Variants in CEP164 observed in about 807,000 individuals in gnomAD.
The protein encoded by CEP164 is centrosomal protein 164.
A neutral mutation model predicts 182.7 loss-of-function variants in CEP164; 162 were observed. That is an observed-to-expected ratio of 0.89 (90% CI 0.78 to 1.01). CEP164 has a LOEUF of 1.01. Among genes scored for constraint, CEP164 ranks in the 50% least tolerant of loss-of-function variants. The probability of loss-of-function intolerance (pLI) is 0.00; values close to 1 mark genes in which losing one functional copy is unlikely to be tolerated. For missense variants in CEP164, 1,735 were observed against 1,790.4 expected (o/e 0.97, Z 0.56); for synonymous variants, 661 against 690.0 (o/e 0.96, Z 0.66).
At chr11:117,355,634 C>T (rs892211067) in intron 5 of CEP164, 1 of 1,194,640 alleles carries the variant, frequency 8.4e-7, no homozygotes, top group African/African-American at 1.6e-5. Context: ...AGATAGCAGC[C>T]CTACTGAAGA....
At chr11:117,403,833 C>T (rs2046401385) in intron 27 of CEP164, among the ~76,000 whole-genome samples, 2 of 152,090 alleles carry the variant, frequency 1.3e-5, no homozygotes, top group African/African-American at 4.8e-5. Context: ...TCCCATATTT[C>T]TTGGAGGCTT....
intron 27 of CEP164, among the ~76,000 whole-genome samples, chr11:117,404,951 T>C (rs888254236): frequency 6.6e-6 from 1 of 152,198 alleles, no homozygotes; most frequent in Admixed American, 6.5e-5. Context: ...TTGTTTACAC[T>C]GTGAGGGGAA....
In CEP164 at chr11:117,409,724, C is replaced by T; in HGVS notation, c.3855C>T (p.Leu1285=). The change falls in exon 30 of 33, where the codon CTC becomes CTT. Residue 1285 remains leucine, a synonymous_variant. Transcript: ENST00000278935. The surrounding 1 kb of genome is among the most constrained non-coding windows in gnomAD (Gnocchi z 4.4). ...GTGTCCTCAGCATCCTGGACAGCCT[C>T]AACCCTCAGTCGCCGCCGCCGCTCC... ...LSSVLSILDS[L]NPQSPPPLLA... The T allele has an allele frequency of 2.5e-6, 4 of 1,614,172 alleles. No individual in the cohort carries two copies. The highest frequency in any genetic ancestry group is 2.5e-6 in the Non-Finnish European group (3 of 1,180,010).
chr11:117,361,898 C>T lies in CEP164; in HGVS notation c.457C>T (p.Leu153Phe), dbSNP rs375118998. Residue 153 changes from leucine (L) to phenylalanine (F), a missense_variant, in exon 6 of 33, where the codon CTT becomes TTT. Transcript: ENST00000278935. ...TGGGGGCCTGGCTCCTTTACGAGGT[C>T]TTGTGGATACCCCACCCTCTGCTCT... ...PLGGLAPLRG[L>F]VDTPPSALRG... The T allele has an allele frequency of 1.5e-5, 24 of 1,614,054 alleles. No individual in the cohort carries two copies. The African/African-American group carries it at 2.8e-4, about 19-fold the overall frequency.
intron 10 of CEP164, among the ~76,000 whole-genome samples, chr11:117,375,434 T>C (rs10790180): frequency 0.32 from 48,108 of 152,060 alleles, 8,688 homozygotes; most frequent in African/African-American, 0.5. Flanking sequence ...AAGTTTCAAA[T>C]ATATGGAACA....
At chr11:117,367,017 G>C (rs1029373907) in intron 8 of CEP164, among the ~76,000 whole-genome samples, 2 of 152,240 alleles carry the variant, frequency 1.3e-5, no homozygotes, top group African/African-American at 4.8e-5. Context: ...GGAGACAGAA[G>C]GAATGTGAGC....
Position 117,394,608 on chromosome 11 carries a change from A to T in CEP164, c.2760+115A>T. 1 of 1,366,928 alleles carries T rather than the reference A, an allele frequency of 7.3e-7. No individual in the cohort carries two copies. The highest frequency in any genetic ancestry group is 9.9e-7 in the Non-Finnish European group (1 of 1,010,318). The allele number at this position is 1,366,928 out of a possible 1,614,324, so 84.7% of individuals were successfully genotyped here. On this transcript the variant is annotated intron_variant, in intron 21 of 32. Transcript: ENST00000278935. The surrounding 1 kb of genome is among the most constrained non-coding windows in gnomAD (Gnocchi z 4.0). ...GCAGCCTGACAGCTTCTGGAGTGAG[A>T]GTCTCTCACTGGCCATCTCCAAGCT...
In CEP164 at chr11:117,344,184, G is replaced by C. The variant is rs760829793; in HGVS notation, c.101G>C (p.Arg34Pro). Residue 34 changes from arginine (R) to proline (P), a missense_variant, in exon 4 of 33, where the codon CGG becomes CCG. By Grantham distance (103) the Arg-to-Pro change is moderately radical. Transcript: ENST00000278935. ...PSEQEILEFA[R>P]EIGIDPIKEP... ...CTTGCAGAAATTCTTGAATTTGCCC[G>C]GGAGATTGGTATTGATCCCATCAAG... 6 of 1,611,494 alleles carry C rather than the reference G, an allele frequency of 3.7e-6. No homozygotes were observed. The highest frequency in any genetic ancestry group is 5.1e-6 in the Non-Finnish European group (6 of 1,178,830).
At chr11:117,352,646 G>A (rs769728380) in intron 5 of CEP164, among the ~76,000 whole-genome samples, 2 of 152,152 alleles carry the variant, frequency 1.3e-5, no homozygotes, top group Non-Finnish European at 2.9e-5. Context: ...GAGTACAGTG[G>A]CGTGATCTCA....
intron 5 of CEP164, chr11:117,356,025 G>A: frequency 8.8e-7 from 1 of 1,139,964 alleles, no homozygotes. Context: ...AGCAGCAACA[G>A]CAACCTGGCC....
intron 5 of CEP164, among the ~76,000 whole-genome samples, chr11:117,357,423 CTTTTTTTTTTTT>C (rs4018866): frequency 8.2e-6 from 1 of 121,526 alleles, no homozygotes; most frequent in South Asian, 2.7e-4. Context: ...AGTTAATATT[CTTTTTTTTTTTT>C]TTTTTTTTGA....
intron 5 of CEP164, chr11:117,356,687 T>A (rs1195959774): frequency 8.3e-7 from 1 of 1,199,588 alleles, no homozygotes; most frequent in East Asian, 6.5e-5. Flanking sequence ...AGTTGATGTC[T>A]TACCACAGCC....
At chr11:117,358,650 C>T (rs1382585591) in intron 5 of CEP164, among the ~76,000 whole-genome samples, 1 of 150,026 alleles carries the variant, frequency 6.7e-6, no homozygotes, top group African/African-American at 2.4e-5. Context: ...CTTAAGCAAT[C>T]CTCCCGAGTA....
intron 27 of CEP164, among the ~76,000 whole-genome samples, chr11:117,406,580 G>A (rs1395523421): frequency 6.6e-6 from 1 of 152,204 alleles, no homozygotes; most frequent in East Asian, 1.9e-4. Flanking sequence ...CCAGTGCTTT[G>A]CCTTTCCATT....
rs1469685319 is a variant in CEP164 at position 117,387,095 on chromosome 11, G to A, written c.1725-108G>A. ...TGACCTCTTTGACTCCTGATTGTGG[G>A]CCCTCCATTAGGATTCCATCTGTGA... On this transcript the variant is annotated intron_variant, in intron 14 of 32. Transcript: ENST00000278935. The A allele has an allele frequency of 7.3e-6, 7 of 960,662 alleles. No homozygotes were observed. In the African/African-American group the frequency reaches 8.1e-5, roughly 11 times the overall value. 59.5% of individuals were successfully genotyped at this position (960,662 alleles called of 1,614,324 possible).
At chr11:117,380,528 C>A in intron 11 of CEP164, 86 bp from the exon 12 acceptor site, 1 of 1,081,266 alleles carries the variant, frequency 9.2e-7, no homozygotes. Context: ...TCAGTGCTTT[C>A]GTCTAAGCTT....
intron 5 of CEP164, among the ~76,000 whole-genome samples, chr11:117,354,671 A>G (rs2040098993): frequency 6.6e-6 from 1 of 152,018 alleles, no homozygotes; most frequent in South Asian, 2.1e-4. Flanking sequence ...TTTCAGCCCA[A>G]GGGAGTTTTT....
rs61429989 is a variant in CEP164, at chr11:117,329,839, CTTTT to C, written c.-98+1955_-98+1958del. Among the ~76,000 whole-genome samples the C allele has an allele frequency of 3.2e-3, 306 of 95,560 alleles. 2 individuals carry two copies. The East Asian group carries it at 0.034, about 11-fold the overall frequency. The allele number at this position is 95,560 out of a possible 152,430, so 62.7% of individuals were successfully genotyped here. A position where few individuals can be genotyped will look rare whatever the true frequency, so the allele number is the denominator to read the frequency against. ...ACAGGCGTGAGCCACTGCGCCTGGC[CTTTT>C]TTTTTTTTTTTTTTTTTTTAACTTT... On this transcript the variant is annotated intron_variant, in intron 1 of 32. Coordinates refer to ENST00000278935, the MANE Select transcript of CEP164 (RefSeq NM_014956.5).
chr11:117,362,075 T>C, intron 6 of CEP164, 82 bp downstream of exon 6: 1 of 1,320,800 alleles, frequency 7.6e-7, no homozygotes, highest in South Asian at 1.4e-5. Flanking sequence ...GGCCTAGGGG[T>C]GAGAAATAGA....
Sources: gnomAD v4.1 joint callset for allele counts (sites outside exome capture counted in the v4.1 genomes callset) on GRCh38, gnomAD v4.1.1 for gene constraint, Gnocchi (gnomAD v3.1) non-coding constraint, MANE v1.5 for transcripts, NCBI Gene and HGNC (gene_info 2026-07-23, HGNC 2026-07-21) for gene names.